Variants in WDR17 observed in about 807,000 individuals in gnomAD.
WDR17 encodes the protein WD repeat-containing protein 17.
Under a neutral mutation model 161.7 loss-of-function variants are expected in WDR17, and 143 were observed. The ratio of observed to expected loss-of-function variants is 0.88; its 90% confidence interval spans 0.77 to 1.02. The LOEUF (loss-of-function observed/expected upper bound fraction) is 1.02, where lower values mean the gene tolerates loss of function less well. Ranked by LOEUF, WDR17 falls within the 50% of genes least tolerant of loss-of-function variation. WDR17 has a pLI of 0.00. For synonymous variants in WDR17, 517 were observed against 515.6 expected, an observed-to-expected ratio of 1.00 and a Z score of -0.04; for missense variants, 1,469 against 1,520.9, an observed-to-expected ratio of 0.97 and a Z score of 0.57.
At chr4:176,142,146 T>C (rs1745377629) in intron 11 of WDR17, 77 bp downstream of exon 11, 1 of 1,217,140 alleles carries the variant, frequency 8.2e-7, no homozygotes, top group African/African-American at 1.5e-5. Context: ...TTAGTGCTAT[T>C]TCCAAAGGTA....
rs550520850 is a variant in WDR17, at chr4:176,081,953, T to C, written c.-7+15874T>C. The stretch of plus-strand genomic sequence containing the variant: ...GTACCAAAAGAATGTGGGACTCTGT[T>C]GGCAGGGAAGGAGACAAGTGAGAAT... On this transcript the variant is annotated intron_variant, in intron 1 of 28. Transcript: ENST00000508596. Among the ~76,000 whole-genome samples the C allele has an allele frequency of 3.9e-3, 590 of 152,232 alleles. 5 individuals carry two copies. Among genetic ancestry groups the C allele is most frequent in the African/African-American group, 0.013 (541 of 41,550 alleles).
intron 15 of WDR17, 74 bp from the exon 16 acceptor site, chr4:176,150,394 A>G: frequency 6.5e-7 from 1 of 1,530,760 alleles, no homozygotes; most frequent in Non-Finnish European, 8.8e-7. Context: ...CTGCATTATA[A>G]TATTTTTGAA....
At chr4:176,161,584 T>C (rs560537845) in intron 20 of WDR17, among the ~76,000 whole-genome samples, 64 of 152,214 alleles carry the variant, frequency 4.2e-4, no homozygotes, top group Middle Eastern at 3.4e-3. Context: ...ATTTAAACTT[T>C]TAAGACACTC....
At chr4:176,145,815 A>C (rs1251910489) in intron 11 of WDR17, among the ~76,000 whole-genome samples, 180 bp from the exon 12 acceptor site, 1 of 152,252 alleles carries the variant, frequency 6.6e-6, no homozygotes, top group African/African-American at 2.4e-5. Context: ...ATACTGGTGC[A>C]GTTTCTGTAA....
chr4:176,103,464 G>GA (rs1454262435), intron 1 of WDR17, among the ~76,000 whole-genome samples: 4 of 151,918 alleles, frequency 2.6e-5, no homozygotes, highest in African/African-American at 9.7e-5. Context: ...GATGCTTTCT[G>GA]AAAAAGACCT....
intron 8 of WDR17, among the ~76,000 whole-genome samples, chr4:176,136,016 G>C (rs1431722775): frequency 6.6e-6 from 1 of 151,424 alleles, no homozygotes; most frequent in Non-Finnish European, 1.5e-5. Flanking sequence ...GGCCTCCAAG[G>C]GTTTTATATT....
chr4:176,066,950 T>C (rs1181884684), intron 1 of WDR17, among the ~76,000 whole-genome samples: 1 of 152,172 alleles, frequency 6.6e-6, no homozygotes, highest in Non-Finnish European at 1.5e-5. Context: ...CATTTCTGCG[T>C]TGTAAAAATT....
chr4:176,070,482 A>G (rs1018557907), intron 1 of WDR17, among the ~76,000 whole-genome samples: 4 of 152,064 alleles, frequency 2.6e-5, no homozygotes, highest in African/African-American at 9.7e-5. Flanking sequence ...GAGTTTAGTT[A>G]GTTTATGTAG....
intron 1 of WDR17, among the ~76,000 whole-genome samples, chr4:176,107,487 T>G (rs1194124478): frequency 6.6e-6 from 1 of 150,582 alleles, no homozygotes; most frequent in Non-Finnish European, 1.5e-5. Flanking sequence ...ACATCCGTTT[T>G]CATAGCAACA....
chr4:176,168,899 T>G (rs1405942098), intron 23 of WDR17, 116 bp downstream of exon 23: 6 of 1,171,868 alleles, frequency 5.1e-6, no homozygotes, highest in Non-Finnish European at 5.9e-6. Context: ...CCCTTTGGGG[T>G]ACCTACAAGT....
intron 2 of WDR17, among the ~76,000 whole-genome samples, chr4:176,112,048 T>A (rs558151193): frequency 6.6e-6 from 1 of 152,324 alleles, no homozygotes; most frequent in African/African-American, 2.4e-5. Context: ...GTGTCCTAGC[T>A]CCATTCAGAT....
chr4:176,158,508 T>C (rs1184867486), intron 18 of WDR17, among the ~76,000 whole-genome samples: 1 of 152,200 alleles, frequency 6.6e-6, no homozygotes, highest in Admixed American at 6.5e-5. Flanking sequence ...TTGAATCAAA[T>C]GGCACGAAGA....
intron 4 of WDR17, among the ~76,000 whole-genome samples, chr4:176,123,521 C>A (rs528457358): frequency 1.3e-5 from 2 of 152,266 alleles, no homozygotes; most frequent in East Asian, 3.9e-4. Context: ...TCCCGTGGCC[C>A]CCTCCTTGCA....
chr4:176,153,554 T>C (rs1450858464), intron 17 of WDR17, among the ~76,000 whole-genome samples: 3 of 152,214 alleles, frequency 2.0e-5, no homozygotes, highest in Non-Finnish European at 4.4e-5. Flanking sequence ...ATATGCATTT[T>C]AGTTCAGTGA....
At chr4:176,096,772 TGAA>T (rs1291489777) in intron 1 of WDR17, among the ~76,000 whole-genome samples, 3 of 151,990 alleles carry the variant, frequency 2.0e-5, no homozygotes, top group Non-Finnish European at 4.4e-5. Context: ...AATTATATAG[TGAA>T]GAAGAAAGGG....
At chr4:176,074,844 CTAGCACA>C (rs1203789293) in intron 1 of WDR17, among the ~76,000 whole-genome samples, 1 of 106,098 alleles carries the variant, frequency 9.4e-6, no homozygotes, top group Admixed American at 9.8e-5. Context: ...CTGTTCTTGC[CTAGCACA>C]TAGTTATTGC....
Position 176,126,922 on chromosome 4 carries a change from C to G in WDR17, c.790+1567C>G, listed in dbSNP as rs558795637. Among the ~76,000 whole-genome samples, 643 of 152,290 alleles carry G rather than the reference C, an allele frequency of 4.2e-3. 7 individuals carry two copies. The highest frequency in any genetic ancestry group is 0.017 in the Middle Eastern group (5 of 294). On this transcript the variant is annotated intron_variant, in intron 5 of 28. Coordinates refer to ENST00000508596, the MANE Select transcript of WDR17 (RefSeq NM_181265.4). ...CCTGTGAAGAAGGTGCCTGCTTCTA[C>G]TTTGCCTTCCACCATGATTGTAAGT...
intron 1 of WDR17, among the ~76,000 whole-genome samples, chr4:176,086,632 G>A (rs1735456035): frequency 6.6e-6 from 1 of 151,472 alleles, no homozygotes; most frequent in Non-Finnish European, 1.5e-5. Flanking sequence ...GTTAATATTT[G>A]TATAGTTTAT....
Position 176,149,965 on chromosome 4 carries a change from C to T in WDR17, c.2047+9C>T. 6.2e-7 allele frequency: 1 copy of T among 1,611,166 alleles called. No homozygotes were observed. The highest frequency in any genetic ancestry group is 2.2e-5 in the East Asian group (1 of 44,846). On this transcript the variant is annotated intron_variant, in intron 14 of 28. Coordinates refer to ENST00000508596, the MANE Select transcript of WDR17 (RefSeq NM_181265.4). Reference sequence around the variant, plus strand: ...AATTATTGGGAACACTGGTATGGAACATATACATGTATTAGAGTTTATTTC... The same window carrying T: ...AATTATTGGGAACACTGGTATGGAATATATACATGTATTAGAGTTTATTTC...
Sources: allele counts gnomAD v4.1 joint callset (sites outside exome capture counted in the v4.1 genomes callset), GRCh38; gene constraint gnomAD v4.1.1; transcripts MANE v1.5; gene names NCBI Gene and HGNC (gene_info 2026-07-23, HGNC 2026-07-21).